The following PTPRG variants were observed in gnomAD, a reference collection of about 807,000 sequenced individuals.
PTPRG encodes protein tyrosine phosphatase receptor type G, also known as receptor-type tyrosine-protein phosphatase gamma.
PTPRG carries 102 observed loss-of-function variants against 165.3 expected under a neutral mutation model. The ratio of observed to expected loss-of-function variants is 0.62; its 90% CI spans 0.53 to 0.73. The LOEUF is 0.73. Ranked by LOEUF, PTPRG falls within the 30% of genes least tolerant of loss-of-function variation. The pLI, the probability that PTPRG is intolerant of heterozygous loss-of-function variation, is 0.00. For missense variants in PTPRG, 1,866 were observed against 1,861.4 expected (o/e 1.00, Z -0.05); for synonymous variants, 675 against 669.5 (o/e 1.01, Z -0.13).
At chr3:62,235,545 T>G (rs1447318058) in intron 14 of PTPRG, among the ~76,000 whole-genome samples, 1 of 152,226 alleles carries the variant, frequency 6.6e-6, no homozygotes, top group Non-Finnish European at 1.5e-5. Flanking sequence ...AAGGATTTCT[T>G]GGCAAACTTA....
At chr3:61,705,865 A>G (rs2031224454) in intron 1 of PTPRG, among the ~76,000 whole-genome samples, 1 of 152,086 alleles carries the variant, frequency 6.6e-6, no homozygotes, top group South Asian at 2.1e-4. Context: ...CTTCCTTTTT[A>G]TCTTTTGCTT....
At chr3:61,733,721 C>T (rs2106846106) in intron 1 of PTPRG, among the ~76,000 whole-genome samples, 1 of 152,350 alleles carries the variant, frequency 6.6e-6, no homozygotes, top group East Asian at 1.9e-4. Context: ...ATCTTTGTTT[C>T]TGCCACAATA....
At position 61,588,959 on chromosome 3, in the gene PTPRG, C is replaced by T. The variant is rs556495141; in HGVS notation, c.85+26587C>T. On this transcript the variant is annotated intron_variant, in intron 1 of 29. Transcript: ENST00000474889. ...GCATGCTAAGTTGGGATTTATTGATCTCTCCATAGCTTATAGGATTTCCTG... is the reference window on the plus strand; with the variant it reads ...GCATGCTAAGTTGGGATTTATTGATTTCTCCATAGCTTATAGGATTTCCTG... 7.6e-4 allele frequency among the ~76,000 whole-genome samples: 116 copies of T among 152,228 alleles called. 1 individual carries two copies. The highest frequency in any genetic ancestry group is 2.6e-3 in the African/African-American group (106 of 41,552).
Position 62,214,733 on chromosome 3 carries a change from A to G in PTPRG, c.2156-4118A>G, listed in dbSNP as rs1280960469. ...TCTAGGTGCTTACATGCACCTTCTC[A>G]TTGAATTCCCCAACAGTCCTATGAA... On this transcript the variant is annotated intron_variant, in intron 12 of 29. Transcript: ENST00000474889. The surrounding 1 kb of genome is among the most constrained non-coding windows in gnomAD (Gnocchi z 5.2). 6.6e-6 allele frequency among the ~76,000 whole-genome samples: 1 copy of G among 152,212 alleles called. No individual in the cohort carries two copies. The highest frequency in any genetic ancestry group is 2.4e-5 in the African/African-American group (1 of 41,454).
At chr3:61,736,645 A>G (rs1054888167) in intron 1 of PTPRG, among the ~76,000 whole-genome samples, 28 of 152,184 alleles carry the variant, frequency 1.8e-4, no homozygotes, top group Non-Finnish European at 2.5e-4. Context: ...TTTTTCTTCC[A>G]GGAGCACTCC....
At chr3:61,720,901 T>C (rs2032017600) in intron 1 of PTPRG, among the ~76,000 whole-genome samples, 1 of 152,220 alleles carries the variant, frequency 6.6e-6, no homozygotes, top group Non-Finnish European at 1.5e-5. Context: ...GTCACTTGTT[T>C]CTGCTGCGTT....
chr3:62,128,166 T>G (rs1428740484), intron 5 of PTPRG, among the ~76,000 whole-genome samples: 2 of 152,182 alleles, frequency 1.3e-5, no homozygotes, highest in East Asian at 3.9e-4. Context: ...CCACGAAAGC[T>G]GCTCTGAAGT....
At chr3:61,612,360 C>T (rs1045592796) in intron 1 of PTPRG, among the ~76,000 whole-genome samples, 2 of 152,216 alleles carry the variant, frequency 1.3e-5, no homozygotes, top group Admixed American at 6.5e-5. Context: ...TAACCTTTGT[C>T]GTGACTCTAC....
intron 1 of PTPRG, among the ~76,000 whole-genome samples, chr3:61,652,408 A>G (rs377142925): frequency 1.6e-4 from 24 of 152,266 alleles, no homozygotes; most frequent in African/African-American, 4.1e-4. Context: ...CTGATCTTCA[A>G]GTTTACCTCT....
At chr3:61,876,634 C>T (rs2037746536) in intron 2 of PTPRG, among the ~76,000 whole-genome samples, 1 of 152,104 alleles carries the variant, frequency 6.6e-6, no homozygotes, top group African/African-American at 2.4e-5. Context: ...CCGGGCTGGG[C>T]GTGGTGGCTC....
At chr3:62,140,617 TG>T (rs1463881718) in intron 6 of PTPRG, among the ~76,000 whole-genome samples, 10 of 151,862 alleles carry the variant, frequency 6.6e-5, no homozygotes, top group Admixed American at 3.9e-4. Context: ...GAGGCCGAGG[TG>T]GGCAGATCAC....
intron 1 of PTPRG, among the ~76,000 whole-genome samples, chr3:61,696,676 G>A (rs2030618702): frequency 6.6e-6 from 1 of 152,182 alleles, no homozygotes; most frequent in Non-Finnish European, 1.5e-5. Context: ...GCAGGTAACC[G>A]GATCTGAGAA....
At chr3:62,062,286 C>T (rs1049801026) in intron 4 of PTPRG, among the ~76,000 whole-genome samples, 6 of 152,142 alleles carry the variant, frequency 3.9e-5, no homozygotes, top group East Asian at 3.9e-4. Flanking sequence ...GCAACAAAAG[C>T]GAAACTCCAT....
Position 62,224,278 on chromosome 3 carries a change from A to T in PTPRG, c.2288+5295A>T, listed in dbSNP as rs373956223. Among the ~76,000 whole-genome samples, 18 of 152,280 alleles carry T rather than the reference A, an allele frequency of 1.2e-4. 2 individuals are homozygous for T. The highest frequency in any genetic ancestry group is 3.9e-4 in the African/African-American group (16 of 41,552). The stretch of plus-strand genomic sequence containing the variant: ...TGATGTTGCAGCAGACACACCCTAG[A>T]ACCCCAGTGGCTTAATAACACACAA... On this transcript the variant is annotated intron_variant, in intron 13 of 29. Coordinates refer to ENST00000474889, the MANE Select transcript of PTPRG (RefSeq NM_002841.4). This position sits in a 1 kb window ranked among gnomAD's most constrained non-coding sequence, Gnocchi z 4.9.
intron 1 of PTPRG, among the ~76,000 whole-genome samples, chr3:61,675,653 G>T (rs897344272): frequency 4.6e-5 from 7 of 152,128 alleles, no homozygotes; most frequent in South Asian, 2.1e-4. Flanking sequence ...TATCATAATT[G>T]ATATGGTATT....
intron 5 of PTPRG, among the ~76,000 whole-genome samples, chr3:62,123,882 G>A (rs967756619): frequency 6.6e-6 from 1 of 152,088 alleles, no homozygotes; most frequent in African/African-American, 2.4e-5. Flanking sequence ...AAAAGGCAAA[G>A]TCTGCTTAGA....
intron 26 of PTPRG, among the ~76,000 whole-genome samples, chr3:62,278,304 C>G (rs1359203573): frequency 6.6e-6 from 1 of 151,946 alleles, no homozygotes; most frequent in Non-Finnish European, 1.5e-5. Flanking sequence ...ACTCCATAGG[C>G]AAGTCAGGTC....
chr3:61,890,651 C>T (rs1575758154), intron 2 of PTPRG, among the ~76,000 whole-genome samples: 2 of 152,026 alleles, frequency 1.3e-5, no homozygotes, highest in African/African-American at 2.4e-5. Context: ...ATTTCCACCT[C>T]CAACTGCTGA....
chr3:61,833,024 A>G (rs192577577), intron 2 of PTPRG, among the ~76,000 whole-genome samples: 9 of 151,322 alleles, frequency 5.9e-5, no homozygotes, highest in African/African-American at 2.2e-4. Flanking sequence ...GGTTGCTGTG[A>G]ATGCCATTAG....
Sources: allele counts gnomAD v4.1 joint callset (sites outside exome capture counted in the v4.1 genomes callset), GRCh38; gene constraint gnomAD v4.1.1; non-coding constraint Gnocchi (gnomAD v3.1); transcripts MANE v1.5; gene names NCBI Gene and HGNC (gene_info 2026-07-23, HGNC 2026-07-21).